The following SLA variants were observed in gnomAD, a reference collection of about 807,000 sequenced individuals.
The protein encoded by SLA is src-like-adapter.
In SLA, 16 loss-of-function variants were observed where a neutral mutation model predicts 30.3. That is an observed-to-expected ratio of 0.53 (90% CI 0.36 to 0.80). The LOEUF (loss-of-function observed/expected upper bound fraction) is 0.80. Among genes scored for constraint, SLA ranks in the 30% least tolerant of loss-of-function variants. The probability of loss-of-function intolerance (pLI) is 0.01; values close to 1 mark genes in which losing one functional copy is unlikely to be tolerated. For missense variants in SLA, 310 were observed against 345.2 expected, an observed-to-expected ratio of 0.90 and a Z score of 0.81; for synonymous variants, 143 against 137.8, an observed-to-expected ratio of 1.04 and a Z score of -0.26.
At chr8:133,090,172 G>A (rs1230390436) in intron 1 of SLA, 1 of 152,222 alleles carries the variant, frequency 6.6e-6, no homozygotes, top group Non-Finnish European at 1.5e-5. Flanking sequence ...GGTAATATTT[G>A]GCAATTGATT....
chr8:133,085,084 G>A (rs983821244), intron 1 of SLA, among the ~76,000 whole-genome samples: 7 of 152,188 alleles, frequency 4.6e-5, no homozygotes, highest in African/African-American at 1.7e-4. Flanking sequence ...CACCAGCTCC[G>A]CATTACTTTT....
At chr8:133,044,065 G>T (rs929578221) in intron 7 of SLA, among the ~76,000 whole-genome samples, 3 of 152,170 alleles carry the variant, frequency 2.0e-5, no homozygotes, top group African/African-American at 7.2e-5. Flanking sequence ...ACTAGTGTCT[G>T]CCTGGCATAG....
intron 7 of SLA, among the ~76,000 whole-genome samples, chr8:133,041,200 C>T (rs940786920): frequency 4.6e-5 from 7 of 152,228 alleles, no homozygotes; most frequent in African/African-American, 1.7e-4. Flanking sequence ...GGCTAAGCCA[C>T]CCCTGGCCTC....
At chr8:133,050,732 C>A in intron 4 of SLA, 84 bp downstream of exon 4, 1 of 896,220 alleles carries the variant, frequency 1.1e-6, no homozygotes, top group Non-Finnish European at 1.9e-6. Flanking sequence ...AACTAGACCA[C>A]TCTAGCTAAC....
At chr8:133,079,035 C>T (rs566722443) in intron 1 of SLA, among the ~76,000 whole-genome samples, 4 of 152,304 alleles carry the variant, frequency 2.6e-5, no homozygotes, top group Admixed American at 2.6e-4. Context: ...ATGGCGGGAC[C>T]ACATCAGATT....
intron 3 of SLA, 82 bp downstream of exon 3, chr8:133,060,018 A>G: frequency 7.1e-7 from 1 of 1,412,318 alleles, no homozygotes; most frequent in Non-Finnish European, 9.5e-7. Context: ...TTAAGTAGTT[A>G]CCGGCATCCA....
intron 2 of SLA, among the ~76,000 whole-genome samples, chr8:133,073,541 A>G (rs1341258876): frequency 6.6e-6 from 1 of 152,112 alleles, no homozygotes; most frequent in African/African-American, 2.4e-5. Context: ...TTTGTATTAA[A>G]TAGCATTCTT....
chr8:133,065,287 A>T (rs1246065590), intron 2 of SLA, among the ~76,000 whole-genome samples: 3 of 152,202 alleles, frequency 2.0e-5, no homozygotes, highest in East Asian at 1.9e-4. Context: ...TATAGCTGAG[A>T]TAAATTAAGT....
At chr8:133,077,630 G>A (rs989870739) in intron 1 of SLA, among the ~76,000 whole-genome samples, 8 of 152,176 alleles carry the variant, frequency 5.3e-5, no homozygotes, top group Admixed American at 3.3e-4. Flanking sequence ...CCGATGCCAC[G>A]CTAGACAGGT....
chr8:133,075,083 G>T lies in SLA; in HGVS notation c.-271C>A. 2.0e-6 allele frequency: 2 copies of T among 985,422 alleles called. No homozygotes were observed. Among genetic ancestry groups the T allele is most frequent in the Non-Finnish European group, 2.4e-6 (2 of 829,926 alleles). 61.0% of individuals were successfully genotyped at this position (985,422 alleles called of 1,614,324 possible). On this transcript the variant is annotated 5_prime_UTR_variant, in exon 2 of 9. It adds an upstream start codon to the 5' untranslated region. Transcript: ENST00000338087. Reference sequence around the variant, plus strand: ...AAGGCACAGGGCTTGCAGAAGGGCAGGTTCCTGTTTTCAGTAACCACTCTG... The same window carrying T: ...AAGGCACAGGGCTTGCAGAAGGGCATGTTCCTGTTTTCAGTAACCACTCTG...
intron 2 of SLA, among the ~76,000 whole-genome samples, chr8:133,068,195 T>C (rs188653597): frequency 6.6e-6 from 1 of 152,310 alleles, no homozygotes; most frequent in Non-Finnish European, 1.5e-5. Flanking sequence ...TAAGTTTGGA[T>C]GAATGCATGA....
At chr8:133,101,502 C>T (rs1158670384) in intron 1 of SLA, among the ~76,000 whole-genome samples, 1 of 152,194 alleles carries the variant, frequency 6.6e-6, no homozygotes, top group African/African-American at 2.4e-5. Context: ...ATGCCTTTTA[C>T]TCCATCCTCT....
At chr8:133,052,990 C>T (rs947317054) in intron 3 of SLA, among the ~76,000 whole-genome samples, 7 of 152,136 alleles carry the variant, frequency 4.6e-5, no homozygotes, top group Non-Finnish European at 8.8e-5. Context: ...ATGAATGGGC[C>T]GTTTATTAAC....
At chr8:133,039,126 A>T (rs1017928542) in intron 8 of SLA, among the ~76,000 whole-genome samples, 1 of 152,114 alleles carries the variant, frequency 6.6e-6, no homozygotes, top group Non-Finnish European at 1.5e-5. Flanking sequence ...TGATCTGCCC[A>T]CCTCAGCCTC....
intron 5 of SLA, chr8:133,049,096 C>A (rs1220348929): frequency 2.2e-6 from 1 of 453,472 alleles, no homozygotes; most frequent in Non-Finnish European, 4.4e-6. Flanking sequence ...ACAGGACCCT[C>A]ACATGGAAGG....
At chr8:133,050,958 T>C in intron 3 of SLA, 43 bp from the exon 4 acceptor site, 1 of 1,158,178 alleles carries the variant, frequency 8.6e-7, no homozygotes, top group Non-Finnish European at 1.3e-6. Flanking sequence ...AGGTGCTTTT[T>C]ATTCACAAGG....
chr8:133,092,280 A>T (rs1847680392), intron 1 of SLA, among the ~76,000 whole-genome samples: 1 of 152,256 alleles, frequency 6.6e-6, no homozygotes, highest in Non-Finnish European at 1.5e-5. Context: ...ACTGAGGTCA[A>T]GGCACCTTAC....
At chr8:133,048,525 T>G (rs1210856988) in intron 5 of SLA, 3 of 154,482 alleles carry the variant, frequency 1.9e-5, no homozygotes, top group African/African-American at 7.2e-5. Context: ...TCAGCCCTGC[T>G]CTTCCTATTT....
intron 7 of SLA, among the ~76,000 whole-genome samples, chr8:133,041,252 T>G (rs1256101651): frequency 6.6e-6 from 1 of 152,204 alleles, no homozygotes; most frequent in Non-Finnish European, 1.5e-5. Flanking sequence ...ACGTCACACC[T>G]CTGACAGGCC....
Sources: gnomAD v4.1 joint callset for allele counts (sites outside exome capture counted in the v4.1 genomes callset) on GRCh38, gnomAD v4.1.1 for gene constraint, MANE v1.5 for transcripts, NCBI Gene and HGNC (gene_info 2026-07-23, HGNC 2026-07-21) for gene names.